The following IGSF11 variants were observed in gnomAD, a reference collection of about 807,000 sequenced individuals.
The protein encoded by IGSF11 is CXADR like 1.
IGSF11 carries 22 observed loss-of-function variants against 41.0 expected under a neutral mutation model. That is an observed-to-expected ratio of 0.54 (90% CI 0.38 to 0.77). The LOEUF (loss-of-function observed/expected upper bound fraction) is 0.77, where lower values mean the gene tolerates loss of function less well. Among genes scored for constraint, IGSF11 ranks in the 30% least tolerant of loss-of-function variants. The pLI, the probability that IGSF11 is intolerant of heterozygous loss-of-function variation, is 0.00. For synonymous variants in IGSF11, 219 were observed against 201.3 expected, an observed-to-expected ratio of 1.09 and a Z score of -0.74; for missense variants, 444 against 530.8, an observed-to-expected ratio of 0.84 and a Z score of 1.61.
chr3:118,972,775 A>G (rs1933591266), intron 1 of IGSF11, among the ~76,000 whole-genome samples: 1 of 152,214 alleles, frequency 6.6e-6, no homozygotes, highest in South Asian at 2.1e-4. Context: ...TGCATAAACA[A>G]AAAGCAATTA....
At chr3:118,914,468 T>C (rs11917462) in intron 4 of IGSF11, among the ~76,000 whole-genome samples, 56,831 of 146,892 alleles carry the variant, frequency 0.39, 14,787 homozygotes, top group African/African-American at 0.72. Context: ...CAGGGAGTTC[T>C]CTTTCCGAGT....
chr3:119,034,515 G>T lies in IGSF11; in HGVS notation c.52+16C>A. 1.3e-6 allele frequency: 2 copies of T among 1,567,304 alleles called. No individual in the cohort carries two copies. The highest frequency in any genetic ancestry group is 1.8e-4 in the Middle Eastern group (1 of 5,542). On this transcript the variant is annotated intron_variant, in intron 1 of 6. Transcript: ENST00000393775. ...CGGCCTGGCCCCACCGGGAAGAAAG[G>T]GCTGGAGCTACTCACCGTGCAGAGA...
chr3:119,134,711 A>G (rs193131845), intron 1 of IGSF11, among the ~76,000 whole-genome samples: 2 of 152,200 alleles, frequency 1.3e-5, no homozygotes, highest in African/African-American at 4.8e-5. Flanking sequence ...GGAAAAAACT[A>G]AAGTTCATAT....
rs146460803 is a variant in IGSF11 at position 118,930,305 on chromosome 3, G to T, written c.53-30C>A. 283 of 1,588,856 alleles carry T rather than the reference G, an allele frequency of 1.8e-4. 1 individual carries two copies. The African/African-American group carries it at 3.3e-3, about 18-fold the overall frequency. On this transcript the variant is annotated intron_variant, in intron 1 of 6. Coordinates refer to ENST00000393775, the MANE Select transcript of IGSF11 (RefSeq NM_001015887.3). Reference sequence around the variant, plus strand: ...AGAAGAAGGAACAGGGAGGTTATATGCTCGCCCTTTCCCAACAGTCCAAAC... The same window carrying T: ...AGAAGAAGGAACAGGGAGGTTATATTCTCGCCCTTTCCCAACAGTCCAAAC...
chr3:119,097,969 T>C (rs1158110530), intron 1 of IGSF11, among the ~76,000 whole-genome samples: 2 of 135,326 alleles, frequency 1.5e-5, no homozygotes, highest in Non-Finnish European at 3.2e-5. Flanking sequence ...TTTTTTTTTT[T>C]TTTTTTTTTT....
chr3:118,983,529 T>C (rs137961188), intron 1 of IGSF11: 2 of 152,202 alleles, frequency 1.3e-5, no homozygotes, highest in Non-Finnish European at 2.9e-5. Context: ...GAGATTAAAA[T>C]GTAAGCAGAG....
At chr3:118,957,273 T>C (rs1389008368) in intron 1 of IGSF11, among the ~76,000 whole-genome samples, 1 of 152,154 alleles carries the variant, frequency 6.6e-6, no homozygotes, top group African/African-American at 2.4e-5. Context: ...TCTACTTTAC[T>C]TAGTCCAACT....
Position 118,904,739 on chromosome 3 carries a change from T to C in IGSF11, c.763A>G (p.Ile255Val), listed in dbSNP as rs1939364468. The C allele has an allele frequency of 1.9e-6, 3 of 1,613,694 alleles. No homozygotes were observed. The highest frequency in any genetic ancestry group is 2.5e-6 in the Non-Finnish European group (3 of 1,179,790). The change falls in exon 6 of 7, where the codon ATT becomes GTT. Residue 255 changes from isoleucine (I) to valine (V), a missense_variant. Physicochemically the swap from Ile to Val is conservative, Grantham distance 29. Around this residue, in one of 3 missense-constraint regions of IGSF11, gnomAD observed 223 missense variants for 226.2 expected, o/e 0.99. Coordinates refer to ENST00000393775, the MANE Select transcript of IGSF11 (RefSeq NM_001015887.3). ...CCTAAAATTAGTGCAATGCAAAAAA[T>C]GATAATAACTGCACCAGTGCCAATG... ...GAIGTGAVII[I>V]FCIALILGAF...
At position 118,957,395 on chromosome 3, in the gene IGSF11, A is replaced by T. The variant is rs577032273; in HGVS notation, c.53-27120T>A. ...TTACACATAAAATTAAACAGAGTTA[A>T]TTATTAATTCAATTTCTTTAACAGA... On this transcript the variant is annotated intron_variant, in intron 1 of 6. Coordinates refer to ENST00000393775, the MANE Select transcript of IGSF11 (RefSeq NM_001015887.3). 5.3e-5 allele frequency among the ~76,000 whole-genome samples: 8 copies of T among 152,322 alleles called. No homozygotes were observed. The South Asian group carries it at 1.0e-3, about 20-fold the overall frequency.
At chr3:119,088,825 C>G (rs1443394388) in intron 1 of IGSF11, among the ~76,000 whole-genome samples, 5 of 152,098 alleles carry the variant, frequency 3.3e-5, no homozygotes, top group Non-Finnish European at 4.4e-5. Flanking sequence ...ACTCTAGGCA[C>G]ACAAATTAGA....
rs184876143 is a variant in IGSF11, at chr3:119,144,265, G to A, written c.-14+1548C>T. ...TAATGAGTAGAACCCTAGACAGAAG[G>A]CCAGTAAGAAAATATAGGACTTGAA... On this transcript the variant is annotated intron_variant, in intron 1 of 7. Coordinates refer to the IGSF11 transcript ENST00000425327. 2.8e-3 allele frequency among the ~76,000 whole-genome samples: 425 copies of A among 152,188 alleles called. 1 individual carries two copies. The highest frequency in any genetic ancestry group is 0.011 in the Admixed American group (165 of 15,268).
At chr3:118,925,751 A>G (rs987620830) in intron 4 of IGSF11, among the ~76,000 whole-genome samples, 1 of 152,144 alleles carries the variant, frequency 6.6e-6, no homozygotes, top group Non-Finnish European at 1.5e-5. Flanking sequence ...TCTCCTAGTA[A>G]AATAGGCAGC....
chr3:118,959,938 G>A (rs552367736), intron 1 of IGSF11, among the ~76,000 whole-genome samples: 5 of 151,990 alleles, frequency 3.3e-5, no homozygotes, highest in African/African-American at 7.2e-5. Context: ...CCAGCTACTC[G>A]GGAGGCTGAG....
chr3:118,912,359 C>T (rs1940433318), intron 4 of IGSF11, among the ~76,000 whole-genome samples: 1 of 152,260 alleles, frequency 6.6e-6, no homozygotes. Context: ...GAGTGGGTGT[C>T]ATTCCAGGAA....
At position 118,901,791 on chromosome 3, in the gene IGSF11, GAAAA is replaced by G. The variant is rs1938895140; in HGVS notation, c.*725_*728del. 6.6e-6 allele frequency: 1 copy of G among 150,520 alleles called. No homozygotes were observed. Among genetic ancestry groups the G allele is most frequent in the African/African-American group, 2.4e-5 (1 of 40,938 alleles). The allele number at this position is 150,520 out of a possible 1,614,324, so 9.3% of individuals were successfully genotyped here. On this transcript the variant is annotated 3_prime_UTR_variant, in exon 7 of 7. Coordinates refer to ENST00000393775, the MANE Select transcript of IGSF11 (RefSeq NM_001015887.3). ...CTTTTATAAAAAAATATTTTTCCAGGAAAAAATAAACAGTAATTGCCATGGACCT... is the reference window on the plus strand; with the variant it reads ...CTTTTATAAAAAAATATTTTTCCAGGAATAAACAGTAATTGCCATGGACCT...
chr3:118,945,238 T>C (rs923601806), intron 1 of IGSF11, among the ~76,000 whole-genome samples: 13 of 152,284 alleles, frequency 8.5e-5, no homozygotes, highest in African/African-American at 2.9e-4. Context: ...GAAAATAGCA[T>C]GTATTCACCT....
chr3:119,006,110 G>A (rs1199787421), intron 1 of IGSF11, among the ~76,000 whole-genome samples: 7 of 117,156 alleles, frequency 6.0e-5, no homozygotes, highest in African/African-American at 1.7e-4. Context: ...CCAATCAGAC[G>A]TAGATTTGGT....
Position 118,902,042 on chromosome 3 carries a change from T to G in IGSF11, c.*478A>C. Reference sequence around the variant, plus strand: ...CCCTGTTGGGACCAATATTAACCATTTATACCATTAAGCCCTCTATATAAC... The same window carrying G: ...CCCTGTTGGGACCAATATTAACCATGTATACCATTAAGCCCTCTATATAAC... On this transcript the variant is annotated 3_prime_UTR_variant, in exon 7 of 7. Coordinates refer to ENST00000393775, the MANE Select transcript of IGSF11 (RefSeq NM_001015887.3). The G allele has an allele frequency of 6.4e-6, 1 of 156,022 alleles. No individual in the cohort carries two copies. Among genetic ancestry groups the G allele is most frequent in the Admixed American group, 6.2e-5 (1 of 16,176 alleles). 9.7% of individuals were successfully genotyped at this position (156,022 alleles called of 1,614,324 possible).
chr3:118,926,004 G>A (rs1942254727), intron 4 of IGSF11, 97 bp downstream of exon 4: 2 of 854,518 alleles, frequency 2.3e-6, no homozygotes, highest in South Asian at 6.5e-5. Flanking sequence ...GCAGTTATAG[G>A]GTGTTATTTT....
Sources: gnomAD v4.1 joint callset for allele counts (sites outside exome capture counted in the v4.1 genomes callset) on GRCh38, gnomAD v4.1.1 for gene constraint, gnomAD v4.1.1 regional missense constraint, MANE v1.5 for transcripts, NCBI Gene and HGNC (gene_info 2026-07-23, HGNC 2026-07-21) for gene names.